KLHL5: variants seen among roughly 807,000 people sequenced by gnomAD.
KLHL5 encodes kelch-like protein 5.
In KLHL5, 48 loss-of-function variants were observed where a neutral mutation model predicts 77.7. That is an observed-to-expected ratio of 0.62 (90% CI 0.49 to 0.79). The LOEUF is 0.79. Ranked by LOEUF, KLHL5 falls within the 30% of genes least tolerant of loss-of-function variation. KLHL5 has a pLI of 0.00. For missense variants in KLHL5, 723 were observed against 859.7 expected, an observed-to-expected ratio of 0.84 and a Z score of 1.99; for synonymous variants, 260 against 297.0, an observed-to-expected ratio of 0.88 and a Z score of 1.28.
At chr4:39,079,561 C>T (rs968673032) in intron 2 of KLHL5, among the ~76,000 whole-genome samples, 4 of 152,218 alleles carry the variant, frequency 2.6e-5, no homozygotes, top group Admixed American at 2.6e-4. Context: ...TCCTTCACAT[C>T]TTTGCCCGTG....
the KLHL5 span, among the ~76,000 whole-genome samples, chr4:39,141,304 C>CT: frequency 0.013 from 968 of 75,532 alleles, 27 homozygotes; most frequent in African/African-American, 0.03. Context: ...ATTTTTTAGT[C>CT]TTTTTTTTTT....
At chr4:39,052,744 A>C (rs1484108138) in intron 1 of KLHL5, among the ~76,000 whole-genome samples, 1 of 152,198 alleles carries the variant, frequency 6.6e-6, no homozygotes, top group Non-Finnish European at 1.5e-5. Context: ...GAAAGAAGGA[A>C]TACTCAAGTC....
At chr4:39,075,908 A>C (rs1577671300) in intron 1 of KLHL5, 57 bp from the exon 2 acceptor site, 1 of 1,425,726 alleles carries the variant, frequency 7.0e-7, no homozygotes, top group East Asian at 2.3e-5. Flanking sequence ...CTTAATAGGA[A>C]AGATCTTTTT....
In KLHL5 at chr4:39,124,165, C is replaced by G. The variant is rs1723385697; in HGVS notation, c.*3099C>G. Among the ~76,000 whole-genome samples the G allele has an allele frequency of 6.6e-6, 1 of 152,022 alleles. No homozygotes were observed. The highest frequency in any genetic ancestry group is 2.4e-5 in the African/African-American group (1 of 41,404). Reference sequence around the variant, plus strand: ...CGTTGCTGAAAGAAATTAAAGAAGACCTAAATAAATGGAAGACATCCTGTG... The same window carrying G: ...CGTTGCTGAAAGAAATTAAAGAAGAGCTAAATAAATGGAAGACATCCTGTG... On this transcript the variant is annotated 3_prime_UTR_variant, in exon 11 of 11. Transcript: ENST00000504108.
the KLHL5 span, among the ~76,000 whole-genome samples, chr4:39,142,785 T>TG: frequency 7.1e-6 from 1 of 140,140 alleles, no homozygotes; most frequent in Non-Finnish European, 1.5e-5. Flanking sequence ...TTATGCTGAG[T>TG]GAAAAAAAAA....
chr4:39,094,596 A>G (rs1720885487), intron 5 of KLHL5, among the ~76,000 whole-genome samples: 1 of 151,976 alleles, frequency 6.6e-6, no homozygotes, highest in East Asian at 1.9e-4. Context: ...AATACTGGGT[A>G]TCAGAATATG....
At chr4:39,069,431 T>C in intron 1 of KLHL5, among the ~76,000 whole-genome samples, 1 of 20,456 alleles carries the variant, frequency 4.9e-5, no homozygotes, top group South Asian at 7.8e-4. Flanking sequence ...ATTAACATTT[T>C]ATATATATAT....
chr4:39,112,946 A>G, intron 8 of KLHL5, 74 bp from the exon 9 acceptor site: 2 of 1,306,032 alleles, frequency 1.5e-6, no homozygotes, highest in Non-Finnish European at 1.1e-6. Context: ...TGAGATAACA[A>G]CATAAGAAGA....
intron 10 of KLHL5, chr4:39,115,562 G>A (rs928932056): frequency 2.6e-5 from 38 of 1,450,370 alleles, no homozygotes; most frequent in African/African-American, 1.0e-4. Context: ...TTAATTATCT[G>A]CTACCACTTG....
At chr4:39,127,386 G>T (rs185792042), downstream of KLHL5, among the ~76,000 whole-genome samples, 81 of 152,060 alleles carry the variant, frequency 5.3e-4, no homozygotes, top group Non-Finnish European at 1.0e-3. Flanking sequence ...GTTCACCTTC[G>T]GGGGAAGAAA....
upstream of KLHL5, among the ~76,000 whole-genome samples, chr4:39,061,889 G>A (rs1717440876): frequency 6.6e-6 from 1 of 152,118 alleles, no homozygotes; most frequent in Non-Finnish European, 1.5e-5. Context: ...CTTTATCCAA[G>A]TGAAATCTTA....
chr4:39,058,835 G>T (rs568101201), upstream of KLHL5, among the ~76,000 whole-genome samples: 2 of 152,068 alleles, frequency 1.3e-5, no homozygotes, highest in Non-Finnish European at 2.9e-5. Flanking sequence ...ACTATTCTAA[G>T]TGCTGGGATT....
chr4:39,108,589 C>T (rs1032156400), intron 8 of KLHL5, among the ~76,000 whole-genome samples: 2 of 152,104 alleles, frequency 1.3e-5, no homozygotes, highest in African/African-American at 4.8e-5. Flanking sequence ...AGCACTATTA[C>T]ATGTGATAAG....
chr4:39,136,915 G>A, the KLHL5 span, among the ~76,000 whole-genome samples: 7 of 152,286 alleles, frequency 4.6e-5, no homozygotes, highest in South Asian at 2.1e-4. Flanking sequence ...GAGAGTGAGA[G>A]CCAAGCAGGA....
intron 6 of KLHL5, 35 bp downstream of exon 6, chr4:39,096,913 C>T (rs1471733814): frequency 3.3e-6 from 5 of 1,529,510 alleles, no homozygotes; most frequent in African/African-American, 2.8e-5. Flanking sequence ...GAGGGAGGAC[C>T]AGAGAAAAAG....
chr4:39,115,610 A>G lies in KLHL5; in HGVS notation c.2073+280A>G, dbSNP rs977233359. On this transcript the variant is annotated intron_variant, in intron 10 of 10. Transcript: ENST00000504108. The stretch of plus-strand genomic sequence containing the variant: ...TTCTAGCCTGATTAAAGCTGATAGG[A>G]CTACTGGAGGGCTGCAACAATGGGA... 12 of 1,407,602 alleles carry G rather than the reference A, an allele frequency of 8.5e-6. No individual in the cohort carries two copies. In the Admixed American group the frequency reaches 3.8e-4, roughly 44 times the overall value. 87.2% of individuals were successfully genotyped at this position (1,407,602 alleles called of 1,614,324 possible).
rs566609990 is a variant in KLHL5, at chr4:39,068,012, C to G, written c.383+4977C>G. Among the ~76,000 whole-genome samples, 130 of 152,108 alleles carry G rather than the reference C, an allele frequency of 8.5e-4. 1 individual carries two copies. Among genetic ancestry groups the G allele is most frequent in the African/African-American group, 3.0e-3 (126 of 41,514 alleles). On this transcript the variant is annotated intron_variant, in intron 1 of 10. Transcript: ENST00000504108. ...AACTCCTTATCCACAGTCTTCTACC[C>G]CATCTTACTGGTTGCTTGCCTCTCT... is the stretch of plus-strand genomic sequence containing the variant.
intron 10 of KLHL5, chr4:39,115,883 C>G (rs1722798819): frequency 1.0e-6 from 1 of 990,576 alleles, no homozygotes; most frequent in Admixed American, 6.1e-5. Context: ...TAAAAATGAT[C>G]TTTTGAGATC....
At chr4:39,133,958 C>T in the KLHL5 span, 1 of 151,934 alleles carries the variant, frequency 6.6e-6, no homozygotes, top group Non-Finnish European at 1.5e-5. Context: ...ATCATTCTTC[C>T]GTCACCTAGA....
Sources: gnomAD v4.1 joint callset for allele counts (sites outside exome capture counted in the v4.1 genomes callset) on GRCh38, gnomAD v4.1.1 for gene constraint, MANE v1.5 for transcripts, NCBI Gene and HGNC (gene_info 2026-07-23, HGNC 2026-07-21) for gene names.